Variants in WRN observed in about 807,000 individuals in gnomAD.
The protein encoded by WRN is bifunctional 3'-5' exonuclease/ATP-dependent helicase WRN.
A neutral mutation model predicts 180.7 loss-of-function variants in WRN; 149 were observed. That is an observed-to-expected ratio of 0.82 (90% CI 0.72 to 0.94). WRN has a LOEUF of 0.94. Ranked by LOEUF, WRN falls within the 40% of genes least tolerant of loss-of-function variation. WRN has a pLI of 0.00. For missense variants in WRN, 1,661 were observed against 1,700.1 expected, an observed-to-expected ratio of 0.98 and a Z score of 0.40; for synonymous variants, 548 against 568.9, an observed-to-expected ratio of 0.96 and a Z score of 0.52.
At chr8:31,051,811 G>T (rs781098573) in intron 1 of WRN, among the ~76,000 whole-genome samples, 2 of 152,182 alleles carry the variant, frequency 1.3e-5, no homozygotes, top group Admixed American at 6.5e-5. Context: ...CAGTTTTAGA[G>T]CATTTTATCT....
At position 31,087,874 on chromosome 8, in the gene WRN, A is replaced by T. The variant is rs149565907; in HGVS notation, c.1530A>T (p.Glu510Asp). The T allele has an allele frequency of 3.8e-4, 616 of 1,612,848 alleles. 3 individuals are homozygous for T. In the East Asian group the frequency reaches 6.6e-3, roughly 17 times the overall value. The change falls in exon 12 of 35, where the codon GAA (glutamate) becomes GAT (aspartate). Residue 510 changes from glutamate (E) to aspartate (D), a missense_variant. Physicochemically the swap from Glu to Asp is conservative, Grantham distance 45. Coordinates refer to ENST00000298139, the MANE Select transcript of WRN (RefSeq NM_000553.6). The stretch of plus-strand genomic sequence containing the variant: ...GTCTTCCTACTAAAGAAGAAGAAGA[A>T]GATGATGAAAATGAAGCTAATGAAG... ...NLGLPTKEEEEDDENEANEGE... is the reference protein window; with the variant it reads ...NLGLPTKEEEDDDENEANEGE...
At chr8:31,171,347 A>G (rs1321069111) in intron 34 of WRN, 2 of 152,106 alleles carry the variant, frequency 1.3e-5, no homozygotes, top group Non-Finnish European at 2.9e-5. Context: ...AAAAAAAAAA[A>G]ACATTAAAAA....
intron 12 of WRN, 31 bp from the exon 13 acceptor site, chr8:31,088,859 A>C (rs1175028781): frequency 7.6e-6 from 12 of 1,580,748 alleles, no homozygotes; most frequent in Non-Finnish European, 1.0e-5. Flanking sequence ...TTTCTACTTG[A>C]ACATAAATGC....
At chr8:31,058,282 T>A in intron 1 of WRN, 90 bp from the exon 2 acceptor site, 1 of 603,682 alleles carries the variant, frequency 1.7e-6, no homozygotes, top group Non-Finnish European at 2.9e-6. Flanking sequence ...TGATTCTAGC[T>A]CTTATAACCT....
rs1802899166 is a variant in WRN, at chr8:31,147,363, G to A, written c.3460-1G>A. 1.2e-6 allele frequency: 2 copies of A among 1,613,642 alleles called. No individual in the cohort carries two copies. Among genetic ancestry groups the A allele is most frequent in the Non-Finnish European group, 1.7e-6 (2 of 1,179,782 alleles). On this transcript the variant is annotated splice_acceptor_variant, in intron 29 of 34. Transcript: ENST00000298139. LOFTEE classifies it high-confidence loss of function. ...GTGTTGTTTCTTTGTTTTTTGTTCAGATTGTGTTATATGGCAAATTGGTAG... is the reference window on the plus strand; with the variant it reads ...GTGTTGTTTCTTTGTTTTTTGTTCAAATTGTGTTATATGGCAAATTGGTAG...
chr8:31,140,397 T>G (rs1802572548), intron 24 of WRN, among the ~76,000 whole-genome samples: 1 of 152,158 alleles, frequency 6.6e-6, no homozygotes, highest in Non-Finnish European at 1.5e-5. Context: ...ACAAAGTGAA[T>G]GAAAAAGTAT....
chr8:31,064,870 A>G (rs751646028), intron 4 of WRN, 45 bp from the exon 5 acceptor site: 3 of 1,605,906 alleles, frequency 1.9e-6, no homozygotes, highest in Non-Finnish European at 2.6e-6. Context: ...ACATAAATCC[A>G]TCATACTTGA....
At chr8:31,101,084 A>AT (rs1234640791) in intron 18 of WRN, 129 bp downstream of exon 18, 11 of 783,762 alleles carry the variant, frequency 1.4e-5, no homozygotes, top group South Asian at 4.6e-5. Flanking sequence ...AAAGAGAACT[A>AT]TTTTTTTAAA....
chr8:31,105,608 G>T (rs1056606561), intron 18 of WRN, among the ~76,000 whole-genome samples: 2 of 152,040 alleles, frequency 1.3e-5, no homozygotes, highest in African/African-American at 4.8e-5. Flanking sequence ...TTATAGGTAC[G>T]TGCCACCATG....
At chr8:31,070,654 A>G (rs1389575045) in intron 7 of WRN, among the ~76,000 whole-genome samples, 1 of 151,902 alleles carries the variant, frequency 6.6e-6, no homozygotes, top group Non-Finnish European at 1.5e-5. Flanking sequence ...AAGGTGCTGT[A>G]GTTGACACAC....
intron 7 of WRN, among the ~76,000 whole-genome samples, chr8:31,068,622 T>G (rs1272139178): frequency 6.6e-6 from 1 of 152,244 alleles, no homozygotes; most frequent in Non-Finnish European, 1.5e-5. Flanking sequence ...TCTCCTAGTC[T>G]GGAGATTATA....
chr8:31,094,261 A>G (rs1300049849), intron 16 of WRN, among the ~76,000 whole-genome samples: 6 of 152,106 alleles, frequency 3.9e-5, no homozygotes, highest in Non-Finnish European at 7.4e-5. Context: ...TAACCATCAT[A>G]ATTAATTCCA....
intron 26 of WRN, 121 bp downstream of exon 26, chr8:31,141,896 G>A: frequency 1.0e-6 from 1 of 960,098 alleles, no homozygotes; most frequent in Non-Finnish European, 1.6e-6. Context: ...GTTTTTGTAT[G>A]CCTATTTTAG....
intron 3 of WRN, among the ~76,000 whole-genome samples, chr8:31,061,422 T>C (rs1284495137): frequency 6.6e-6 from 1 of 152,098 alleles, no homozygotes; most frequent in Non-Finnish European, 1.5e-5. Context: ...GCTGTTTTAA[T>C]GTACTTGTCT....
chr8:31,054,527 A>G (rs1812189804), intron 1 of WRN, among the ~76,000 whole-genome samples: 1 of 152,098 alleles, frequency 6.6e-6, no homozygotes, highest in Non-Finnish European at 1.5e-5. Context: ...CCTGGCCAAA[A>G]CCAAAATTAA....
chr8:31,145,038 G>C (rs1333433432), intron 28 of WRN, among the ~76,000 whole-genome samples: 1 of 152,206 alleles, frequency 6.6e-6, no homozygotes, highest in Non-Finnish European at 1.5e-5. Context: ...TGGTTCATGA[G>C]GTTTAAGGAA....
chr8:31,167,489 C>T (rs1040559124), intron 34 of WRN, among the ~76,000 whole-genome samples: 3 of 151,956 alleles, frequency 2.0e-5, no homozygotes, highest in Non-Finnish European at 2.9e-5. Context: ...TCATATTGAC[C>T]GTATAGCCTG....
Position 31,124,537 on chromosome 8 carries a change from G to C in WRN, c.2646G>C (p.Glu882Asp). The change falls in exon 22 of 35, where the codon GAG (glutamate) becomes GAC (aspartate). Residue 882 changes from glutamate to aspartate, a missense_variant. Coordinates refer to ENST00000298139, the MANE Select transcript of WRN (RefSeq NM_000553.6). ...DINLNRHLLT[E>D]IRNEKFRLYK... ...TAATCGACAGGCACCTTCTTACTGA[G>C]ATACGTAATGAGAAGTTTCGATTAT... 1 of 1,612,420 alleles carries C rather than the reference G, an allele frequency of 6.2e-7. No homozygotes were observed. The highest frequency in any genetic ancestry group is 1.1e-5 in the South Asian group (1 of 91,006).
intron 7 of WRN, among the ~76,000 whole-genome samples, chr8:31,075,929 T>C (rs1033454489): frequency 2.8e-4 from 43 of 152,188 alleles, no homozygotes; most frequent in African/African-American, 9.4e-4. Context: ...GGTGAATAAC[T>C]GCTGGGTTAT....
Sources: gnomAD v4.1 joint callset for allele counts (sites outside exome capture counted in the v4.1 genomes callset) on GRCh38, gnomAD v4.1.1 for gene constraint, MANE v1.5 for transcripts, NCBI Gene and HGNC (gene_info 2026-07-23, HGNC 2026-07-21) for gene names.